The following SHISA6 variants were observed in gnomAD, a reference collection of about 807,000 sequenced individuals.
SHISA6 encodes shisa family member 6.
Under a neutral mutation model 47.9 loss-of-function variants are expected in SHISA6, and 22 were observed. The ratio of observed to expected loss-of-function variants is 0.46; its 90% CI spans 0.33 to 0.66. The LOEUF (loss-of-function observed/expected upper bound fraction) is 0.66, where lower values mean the gene tolerates loss of function less well. Ranked by LOEUF, SHISA6 falls within the 30% of genes least tolerant of loss-of-function variation. The probability of loss-of-function intolerance (pLI) is 0.02; values close to 1 mark genes in which losing one functional copy is unlikely to be tolerated. For synonymous variants in SHISA6, 388 were observed against 337.8 expected (o/e 1.15, Z -1.63); for missense variants, 680 against 764.6 (o/e 0.89, Z 1.30).
chr17:11,279,256 G>C (rs1382055167), intron 2 of SHISA6, among the ~76,000 whole-genome samples: 3 of 152,130 alleles, frequency 2.0e-5, no homozygotes, highest in Non-Finnish European at 2.9e-5. Flanking sequence ...ATGTAACCTT[G>C]AGCAAAGACA....
intron 3 of SHISA6, among the ~76,000 whole-genome samples, chr17:11,413,751 G>A (rs1007091095): frequency 2.6e-5 from 4 of 152,142 alleles, no homozygotes; most frequent in Non-Finnish European, 4.4e-5. Flanking sequence ...GCCATGTTCC[G>A]CTTCTTGAGT....
chr17:11,496,462 G>T (rs992342365), intron 3 of SHISA6, among the ~76,000 whole-genome samples: 1 of 152,192 alleles, frequency 6.6e-6, no homozygotes, highest in African/African-American at 2.4e-5. Flanking sequence ...AGTGGGGGCC[G>T]GGTACGGTGG....
chr17:11,504,911 C>G (rs1449783797), intron 3 of SHISA6, among the ~76,000 whole-genome samples: 1 of 152,192 alleles, frequency 6.6e-6, no homozygotes, highest in Non-Finnish European at 1.5e-5. Flanking sequence ...TCCCAAGAGG[C>G]AACTGGGGTT....
At chr17:11,247,737 C>G (rs1907646732) in intron 1 of SHISA6, among the ~76,000 whole-genome samples, 1 of 150,724 alleles carries the variant, frequency 6.6e-6, no homozygotes, top group Non-Finnish European at 1.5e-5. Flanking sequence ...TTATTTCTTC[C>G]TGAGTTACGT....
intron 2 of SHISA6, among the ~76,000 whole-genome samples, chr17:11,316,417 CTCT>C (rs1169759943): frequency 4.8e-4 from 25 of 52,028 alleles, no homozygotes; most frequent in African/African-American, 1.4e-3. Context: ...CTCTCTCTCT[CTCT>C]TTTTTTTTTT....
chr17:11,291,635 A>AAACAACAAC (rs796809748), intron 2 of SHISA6, among the ~76,000 whole-genome samples: 2 of 151,748 alleles, frequency 1.3e-5, no homozygotes, highest in Non-Finnish European at 2.9e-5. Flanking sequence ...CTCTGTCTCA[A>AAACAACAAC]AACAACAACA....
chr17:11,379,759 C>T (rs980172033), intron 3 of SHISA6: 10 of 351,096 alleles, frequency 2.8e-5, no homozygotes, highest in African/African-American at 1.1e-4. Flanking sequence ...ACACAGATGC[C>T]GGCGGCTCCT....
intron 2 of SHISA6, among the ~76,000 whole-genome samples, chr17:11,360,278 G>C (rs1912221533): frequency 6.6e-6 from 1 of 152,168 alleles, no homozygotes. Flanking sequence ...AGAACACATG[G>C]GCCGGGCATG....
At chr17:11,337,521 C>T (rs1228153519) in intron 2 of SHISA6, among the ~76,000 whole-genome samples, 1 of 152,274 alleles carries the variant, frequency 6.6e-6, no homozygotes, top group Non-Finnish European at 1.5e-5. Flanking sequence ...GGGGATGTGA[C>T]GTGGATGATT....
At chr17:11,547,467 G>T (rs931566480) in intron 3 of SHISA6, among the ~76,000 whole-genome samples, 1 of 152,088 alleles carries the variant, frequency 6.6e-6, no homozygotes, top group Non-Finnish European at 1.5e-5. Context: ...AATAACTCTT[G>T]GGTCAAAGAG....
At chr17:11,507,827 G>A (rs1384577595) in intron 3 of SHISA6, among the ~76,000 whole-genome samples, 1 of 152,072 alleles carries the variant, frequency 6.6e-6, no homozygotes, top group East Asian at 1.9e-4. Context: ...CACTCCCTCC[G>A]ATTGCATAAC....
intron 2 of SHISA6, among the ~76,000 whole-genome samples, chr17:11,356,337 G>A (rs1300915324): frequency 1.3e-5 from 2 of 152,148 alleles, no homozygotes; most frequent in Non-Finnish European, 2.9e-5. Flanking sequence ...CTGCCTTCAG[G>A]TAGTCCCCTC....
Position 11,482,377 on chromosome 17 carries a change from G to A in SHISA6, c.896-69519G>A, listed in dbSNP as rs116719267. Among the ~76,000 whole-genome samples the A allele has an allele frequency of 3.9e-3, 589 of 152,218 alleles. 4 individuals are homozygous for A. The highest frequency in any genetic ancestry group is 0.013 in the African/African-American group (554 of 41,532). ...TAAGTTTATGTAAATTCCAGAAGACGGCAGCTACACAGTGGAGGGGAAGGT... is the reference window on the plus strand; with the variant it reads ...TAAGTTTATGTAAATTCCAGAAGACAGCAGCTACACAGTGGAGGGGAAGGT... On this transcript the variant is annotated intron_variant, in intron 3 of 5. Transcript: ENST00000441885.
In SHISA6 at chr17:11,250,787, T is replaced by G. The variant is rs113641001; in HGVS notation, c.638+8727T>G. 1.2e-3 allele frequency among the ~76,000 whole-genome samples: 186 copies of G among 152,054 alleles called. 2 individuals carry two copies. Among genetic ancestry groups the G allele is most frequent in the African/African-American group, 4.4e-3 (183 of 41,456 alleles). ...ACGTGTCAGGACAGTGGGAGCTCTG[T>G]GTCCCAGGAGCTTACACAACCCCAT... On this transcript the variant is annotated intron_variant, in intron 1 of 5. Coordinates refer to ENST00000441885, the MANE Select transcript of SHISA6 (RefSeq NM_207386.4).
chr17:11,372,370 G>A (rs1912655409), intron 2 of SHISA6, among the ~76,000 whole-genome samples: 1 of 152,196 alleles, frequency 6.6e-6, no homozygotes, highest in Non-Finnish European at 1.5e-5. Context: ...TGGGAATGAG[G>A]TGCCCATTCT....
chr17:11,241,260 C>A lies in SHISA6; in HGVS notation c.-163C>A, dbSNP rs1370201401. 1.7e-5 allele frequency: 4 copies of A among 234,740 alleles called. No individual in the cohort carries two copies. The highest frequency in any genetic ancestry group is 1.4e-4 in the South Asian group (1 of 7,278). 14.5% of individuals were successfully genotyped at this position (234,740 alleles called of 1,614,324 possible). On this transcript the variant is annotated 5_prime_UTR_variant, in exon 1 of 6. Transcript: ENST00000441885. This position sits in a 1 kb window ranked among gnomAD's most constrained non-coding sequence, Gnocchi z 5.5. ...GGGCCGGTCCGTGCGCACCGCGCGC[C>A]GCCGCCGCCACTGCCGCCCGCGCCT...
At chr17:11,243,453 A>C (rs1907453766) in intron 1 of SHISA6, among the ~76,000 whole-genome samples, 1 of 152,006 alleles carries the variant, frequency 6.6e-6, no homozygotes, top group South Asian at 2.1e-4. Flanking sequence ...AGGCTCTGTC[A>C]CCCTGAGGTG....
chr17:11,396,829 G>A (rs775606516), intron 3 of SHISA6, among the ~76,000 whole-genome samples: 12 of 152,052 alleles, frequency 7.9e-5, no homozygotes, highest in Non-Finnish European at 1.5e-4. Flanking sequence ...TGACAGGTGC[G>A]GCAAACCAAC....
chr17:11,387,018 A>G (rs1234241502), intron 3 of SHISA6, among the ~76,000 whole-genome samples: 1 of 152,252 alleles, frequency 6.6e-6, no homozygotes, highest in East Asian at 1.9e-4. Flanking sequence ...GATAACCTGC[A>G]GAACCCAGAG....
Sources: allele counts gnomAD v4.1 joint callset (sites outside exome capture counted in the v4.1 genomes callset), GRCh38; gene constraint gnomAD v4.1.1; non-coding constraint Gnocchi (gnomAD v3.1); transcripts MANE v1.5; gene names NCBI Gene and HGNC (gene_info 2026-07-23, HGNC 2026-07-21).